PER2: variants seen among roughly 807,000 people sequenced by gnomAD.
The protein encoded by PER2 is period circadian protein homolog 2.
In PER2, 66 loss-of-function variants were observed where a neutral mutation model predicts 121.0. The ratio of observed to expected loss-of-function variants is 0.55; its 90% CI spans 0.45 to 0.67. The LOEUF (loss-of-function observed/expected upper bound fraction) is 0.67. Among genes scored for constraint, PER2 ranks in the 30% least tolerant of loss-of-function variants. PER2 has a pLI of 0.00. For missense variants in PER2, 1,521 were observed against 1,635.0 expected (o/e 0.93, Z 1.20); for synonymous variants, 684 against 659.9 (o/e 1.04, Z -0.56).
chr2:238,290,329 C>T (rs1407583921), upstream of PER2, among the ~76,000 whole-genome samples: 2 of 151,696 alleles, frequency 1.3e-5, no homozygotes, highest in Non-Finnish European at 2.9e-5. Flanking sequence ...GCCAAGCAAA[C>T]CCAGGCCCGG....
chr2:238,284,512 G>C (rs1247824411), intron 1 of PER2, among the ~76,000 whole-genome samples: 2 of 151,214 alleles, frequency 1.3e-5, no homozygotes, highest in African/African-American at 4.9e-5. Flanking sequence ...TTTTGGAAGA[G>C]AGAGAATGAA....
intron 10 of PER2, 26 bp from the exon 11 acceptor site, chr2:238,262,370 G>C: frequency 3.1e-6 from 5 of 1,612,338 alleles, no homozygotes; most frequent in Non-Finnish European, 4.2e-6. Context: ...CCAGCATTCA[G>C]GGGAAAAGGG....
intron 4 of PER2, among the ~76,000 whole-genome samples, 181 bp downstream of exon 4, chr2:238,275,562 G>A (rs3739067): frequency 0.068 from 10,357 of 152,228 alleles, 499 homozygotes; most frequent in South Asian, 0.13. Flanking sequence ...GGTGGTACAC[G>A]TCTGTGGTCC....
chr2:238,260,381 C>T (rs1160837362), intron 13 of PER2, among the ~76,000 whole-genome samples: 1 of 151,958 alleles, frequency 6.6e-6, no homozygotes, highest in East Asian at 1.9e-4. Context: ...CTCAGCCTCC[C>T]GAGTAGCTGG....
chr2:238,258,665 T>C, intron 14 of PER2, 21 bp from the exon 15 acceptor site: 1 of 1,612,820 alleles, frequency 6.2e-7, no homozygotes, highest in African/African-American at 1.3e-5. Context: ...GGCAAAATTG[T>C]TCTTTCATTC....
intron 16 of PER2, among the ~76,000 whole-genome samples, chr2:238,258,001 G>C (rs1695813992): frequency 6.6e-6 from 1 of 152,112 alleles, no homozygotes; most frequent in South Asian, 2.1e-4. Context: ...AGGGGACCAG[G>C]AGATGTCCCT....
In PER2 at chr2:238,250,115, T is replaced by G. The variant is rs183403509; in HGVS notation, c.3467+436A>C. Among the ~76,000 whole-genome samples the G allele has an allele frequency of 2.0e-3, 301 of 152,374 alleles. 2 individuals carry two copies. The highest frequency in any genetic ancestry group is 6.7e-3 in the African/African-American group (279 of 41,580). On this transcript the variant is annotated intron_variant, in intron 21 of 22. Coordinates refer to ENST00000254657, the MANE Select transcript of PER2 (RefSeq NM_022817.3). The stretch of plus-strand genomic sequence containing the variant: ...ATGTGGACACAGAGCCCCGGGTCAC[T>G]GCAGAGCAGCCCGCTCCCTGGGCTG...
rs1695833214 is a variant in PER2, at chr2:238,258,579, C to A, written c.1693G>T (p.Val565Phe). 2 of 1,614,090 alleles carry A rather than the reference C, an allele frequency of 1.2e-6. No homozygotes were observed. Among genetic ancestry groups the A allele is most frequent in the African/African-American group, 1.3e-5 (1 of 75,050 alleles). Residue 565 changes from valine (V) to phenylalanine (F), a missense_variant, in exon 15 of 23, where the codon GTC (valine) becomes TTC (phenylalanine). Physicochemically the swap from Val to Phe is conservative, Grantham distance 50. Transcript: ENST00000254657. ...VPAMEKDSLG[V>F]SFPEELACKN... Reference sequence around the variant, plus strand: ...CAGGCCAACTCCTCGGGGAAGCTGACCCCCAGGCTGTCCTTTTCCATGGCA... The same window carrying A: ...CAGGCCAACTCCTCGGGGAAGCTGAACCCCAGGCTGTCCTTTTCCATGGCA...
chr2:238,269,007 A>G, intron 6 of PER2, 33 bp from the exon 7 acceptor site: 1 of 1,479,576 alleles, frequency 6.8e-7, no homozygotes, highest in Non-Finnish European at 9.5e-7. Flanking sequence ...ATTCATCCAA[A>G]CCAACAACTA....
chr2:238,246,876 AAAAGAT>A (rs1211349060), intron 22 of PER2, among the ~76,000 whole-genome samples: 3 of 152,210 alleles, frequency 2.0e-5, no homozygotes, highest in Non-Finnish European at 4.4e-5. Flanking sequence ...ACTCTGTCTC[AAAAGAT>A]AAAAAGTCAT....
At chr2:238,261,951 C>A in intron 11 of PER2, 114 bp from the exon 12 acceptor site, 3 of 780,716 alleles carry the variant, frequency 3.8e-6, no homozygotes, top group Non-Finnish European at 6.4e-6. Flanking sequence ...CTCTCCCCTG[C>A]AGCCCCCCAG....
chr2:238,290,033 C>G (rs1432342020), upstream of PER2: 1 of 152,260 alleles, frequency 6.6e-6, no homozygotes, highest in Admixed American at 6.5e-5. Flanking sequence ...TTTACCTGGA[C>G]TCACCTGGGG....
rs780039462 is a variant in PER2 at position 238,275,727 on chromosome 2, T to G, written c.448+16A>C. On this transcript the variant is annotated intron_variant, in intron 4 of 22. Transcript: ENST00000254657. Reference sequence around the variant, plus strand: ...TATTTCTATAGGTTTGGAGCAGATGTGCGAGGCCGACGTACCTTTCACCTG... The same window carrying G: ...TATTTCTATAGGTTTGGAGCAGATGGGCGAGGCCGACGTACCTTTCACCTG... 8.7e-6 allele frequency: 14 copies of G among 1,612,054 alleles called. 1 individual carries two copies. The South Asian group carries it at 1.5e-4, about 18-fold the overall frequency.
chr2:238,278,414 A>T (rs988765909), intron 1 of PER2, among the ~76,000 whole-genome samples: 1 of 152,286 alleles, frequency 6.6e-6, no homozygotes, highest in South Asian at 2.1e-4. Context: ...AGTTCATCAC[A>T]TTACTTATTT....
the PER2 span, among the ~76,000 whole-genome samples, chr2:238,295,108 TG>T: frequency 6.6e-6 from 1 of 152,228 alleles, no homozygotes; most frequent in South Asian, 2.1e-4. Flanking sequence ...CTTTGGTGTT[TG>T]GGTGTCTGTT....
At chr2:238,276,255 T>C (rs991050512) in intron 3 of PER2, among the ~76,000 whole-genome samples, 2 of 152,246 alleles carry the variant, frequency 1.3e-5, no homozygotes, top group Non-Finnish European at 2.9e-5. Context: ...TCACCCACAA[T>C]AGACCAGGGA....
At position 238,257,763 on chromosome 2, in the gene PER2, C is replaced by T. The variant is rs1279473674; in HGVS notation, c.1900+513G>A. ...TGCTGGGATTACAGGCGTGAGCCAC[C>T]GCGCCCAGCCGGGGTACCATTTCTA... On this transcript the variant is annotated intron_variant, in intron 16 of 22. Coordinates refer to ENST00000254657, the MANE Select transcript of PER2 (RefSeq NM_022817.3). 2.6e-5 allele frequency among the ~76,000 whole-genome samples: 4 copies of T among 152,234 alleles called. No individual in the cohort carries two copies. The East Asian group carries it at 5.8e-4, about 22-fold the overall frequency.
intron 9 of PER2, among the ~76,000 whole-genome samples, chr2:238,264,424 G>A (rs1002118484): frequency 6.6e-6 from 1 of 152,176 alleles, no homozygotes; most frequent in Admixed American, 6.5e-5. Context: ...AGCCTCCCCA[G>A]GAAGCTGTGT....
At chr2:238,259,527 T>C (rs1281939571) in intron 14 of PER2, among the ~76,000 whole-genome samples, 1 of 152,214 alleles carries the variant, frequency 6.6e-6, no homozygotes, top group Non-Finnish European at 1.5e-5. Context: ...TGAGTGTATG[T>C]GGATGCTGGG....
Sources: gnomAD v4.1 joint callset for allele counts (sites outside exome capture counted in the v4.1 genomes callset) on GRCh38, gnomAD v4.1.1 for gene constraint, MANE v1.5 for transcripts, NCBI Gene and HGNC (gene_info 2026-07-23, HGNC 2026-07-21) for gene names.